IMMP2L: variants seen among roughly 807,000 people sequenced by gnomAD.
IMMP2L encodes the protein mitochondrial inner membrane protease subunit 2.
Under a neutral mutation model 19.3 loss-of-function variants are expected in IMMP2L, and 18 were observed. That is an observed-to-expected ratio of 0.93 (90% CI 0.64 to 1.38). IMMP2L has a LOEUF of 1.38. Ranked by LOEUF, IMMP2L falls within the 40% of genes most tolerant of loss-of-function variation. The pLI, the probability that IMMP2L is intolerant of heterozygous loss-of-function variation, is 0.00. For synonymous variants in IMMP2L, 76 were observed against 73.0 expected (o/e 1.04, Z -0.21); for missense variants, 233 against 218.2 (o/e 1.07, Z -0.43).
chr7:111,542,937 T>G (rs1848616758), intron 1 of IMMP2L, among the ~76,000 whole-genome samples: 1 of 152,162 alleles, frequency 6.6e-6, no homozygotes, highest in South Asian at 2.1e-4. Context: ...ATAAAATATA[T>G]GTGCATTCTA....
chr7:110,829,929 AGCTAGG>A (rs1262256884), intron 5 of IMMP2L, among the ~76,000 whole-genome samples: 1 of 152,164 alleles, frequency 6.6e-6, no homozygotes, highest in Non-Finnish European at 1.5e-5. Flanking sequence ...GCAATATTGA[AGCTAGG>A]TATCCAAAGA....
chr7:111,243,669 C>A (rs1815483691), intron 3 of IMMP2L, among the ~76,000 whole-genome samples: 1 of 105,898 alleles, frequency 9.4e-6, no homozygotes, highest in African/African-American at 3.7e-5. Flanking sequence ...CTCCCCCCTC[C>A]CCCGACCCCA....
chr7:111,446,431 C>T (rs1479572614), intron 3 of IMMP2L, among the ~76,000 whole-genome samples: 2 of 149,620 alleles, frequency 1.3e-5, no homozygotes, highest in East Asian at 3.9e-4. Flanking sequence ...TGGGAGGCAG[C>T]CCCCAGCAGG....
chr7:110,983,140 A>C lies in IMMP2L; in HGVS notation c.240-19575T>G, dbSNP rs10270126. 9.9e-3 allele frequency among the ~76,000 whole-genome samples: 1,512 copies of C among 152,152 alleles called. 22 individuals carry two copies. Among genetic ancestry groups the C allele is most frequent in the African/African-American group, 0.034 (1,398 of 41,546 alleles). On this transcript the variant is annotated intron_variant, in intron 3 of 5. Transcript: ENST00000405709. ...AATTTTTACAAACAAATATAAATAC[A>C]TTGAAGAGTTCTGTTATTAAAAAGA...
intron 3 of IMMP2L, among the ~76,000 whole-genome samples, chr7:111,166,695 C>T (rs1298534085): frequency 1.3e-5 from 2 of 151,970 alleles, no homozygotes; most frequent in Admixed American, 6.6e-5. Flanking sequence ...AAGGTGTCAT[C>T]GGGCTACATT....
chr7:110,805,816 T>C (rs1801592720), intron 5 of IMMP2L, among the ~76,000 whole-genome samples: 1 of 152,028 alleles, frequency 6.6e-6, no homozygotes, highest in Non-Finnish European at 1.5e-5. Context: ...AATTGTGTTT[T>C]AGAGATATTT....
intron 3 of IMMP2L, among the ~76,000 whole-genome samples, chr7:111,031,449 G>A (rs1247040967): frequency 2.0e-5 from 3 of 148,680 alleles, no homozygotes; most frequent in Non-Finnish European, 3.0e-5. Context: ...TATGTCAAAG[G>A]GACACCAAAG....
intron 5 of IMMP2L, among the ~76,000 whole-genome samples, chr7:110,684,783 A>AC: frequency 6.6e-6 from 1 of 151,962 alleles, no homozygotes; most frequent in Non-Finnish European, 1.5e-5. Context: ...AGAAACTGTC[A>AC]CCAATCCATT....
chr7:110,920,155 T>C (rs2129550369), intron 4 of IMMP2L, among the ~76,000 whole-genome samples: 1 of 152,258 alleles, frequency 6.6e-6, no homozygotes, highest in African/African-American at 2.4e-5. Flanking sequence ...GCTTCCTTGC[T>C]CCTCAGCTTG....
intron 5 of IMMP2L, among the ~76,000 whole-genome samples, chr7:110,688,038 C>T (rs1334577393): frequency 6.6e-6 from 1 of 151,936 alleles, no homozygotes; most frequent in Admixed American, 6.6e-5. Context: ...CTGACAGTCC[C>T]TGGAGAAGAA....
intron 3 of IMMP2L, among the ~76,000 whole-genome samples, chr7:111,013,027 G>C (rs1825129809): frequency 6.6e-6 from 1 of 152,124 alleles, no homozygotes; most frequent in African/African-American, 2.4e-5. Context: ...AACTATAGCA[G>C]TGAGCTAGAT....
At chr7:110,885,992 A>C (rs974056288) in intron 5 of IMMP2L, among the ~76,000 whole-genome samples, 2 of 152,082 alleles carry the variant, frequency 1.3e-5, no homozygotes, top group Non-Finnish European at 2.9e-5. Flanking sequence ...CTAACATAAA[A>C]GTATGTACGT....
intron 5 of IMMP2L, among the ~76,000 whole-genome samples, chr7:110,730,937 T>C (rs1796236154): frequency 1.3e-5 from 2 of 152,334 alleles, no homozygotes; most frequent in South Asian, 4.2e-4. Context: ...ACATGTATCC[T>C]ATTAGTTCTG....
intron 4 of IMMP2L, among the ~76,000 whole-genome samples, chr7:110,888,654 C>A (rs1412336057): frequency 1.3e-5 from 2 of 152,130 alleles, no homozygotes; most frequent in Non-Finnish European, 2.9e-5. Context: ...TCATAAAAGA[C>A]CAGTGACAGT....
chr7:110,691,213 TG>T (rs1793481177), intron 5 of IMMP2L, among the ~76,000 whole-genome samples: 1 of 151,948 alleles, frequency 6.6e-6, no homozygotes, highest in African/African-American at 2.4e-5. Context: ...AAACATAAAT[TG>T]GGGAAAGGAC....
At chr7:111,102,599 A>C (rs1798091245) in intron 3 of IMMP2L, among the ~76,000 whole-genome samples, 2 of 151,638 alleles carry the variant, frequency 1.3e-5, no homozygotes, top group African/African-American at 4.8e-5. Context: ...AGTCAAATAA[A>C]AGAGAGAGAG....
intron 2 of IMMP2L, among the ~76,000 whole-genome samples, chr7:111,493,649 G>A (rs1330217809): frequency 4.0e-5 from 6 of 151,612 alleles, no homozygotes; most frequent in Non-Finnish European, 5.9e-5. Flanking sequence ...AGCTTGCAGT[G>A]AGCGGAGATC....
intron 2 of IMMP2L, among the ~76,000 whole-genome samples, chr7:111,507,190 G>A (rs763427094): frequency 6.6e-6 from 1 of 152,054 alleles, no homozygotes; most frequent in Non-Finnish European, 1.5e-5. Context: ...CTCTACCCGA[G>A]GCTATTTCTT....
chr7:110,780,369 T>C (rs80185893), intron 5 of IMMP2L, among the ~76,000 whole-genome samples: 1 of 151,364 alleles, frequency 6.6e-6, no homozygotes, highest in Non-Finnish European at 1.5e-5. Context: ...GAAAAGAAAG[T>C]TGAGAATTCA....
Sources: gnomAD v4.1 joint callset for allele counts (sites outside exome capture counted in the v4.1 genomes callset) on GRCh38, gnomAD v4.1.1 for gene constraint, MANE v1.5 for transcripts, NCBI Gene and HGNC (gene_info 2026-07-23, HGNC 2026-07-21) for gene names.